The following ANO3 variants were observed in gnomAD, a reference collection of about 807,000 sequenced individuals.
The protein encoded by ANO3 is anoctamin-3.
In ANO3, 99 loss-of-function variants were observed where a neutral mutation model predicts 144.8. That is an observed-to-expected ratio of 0.68 (90% CI 0.58 to 0.81). The LOEUF (loss-of-function observed/expected upper bound fraction) is 0.81. Ranked by LOEUF, ANO3 falls within the 30% of genes least tolerant of loss-of-function variation. The pLI is 0.00. For missense variants in ANO3, 905 were observed against 1,202.2 expected (o/e 0.75, Z 3.66); for synonymous variants, 414 against 392.6 (o/e 1.05, Z -0.64).
intron 17 of ANO3, among the ~76,000 whole-genome samples, chr11:26,610,212 A>G (rs1038176013): frequency 1.3e-5 from 2 of 151,722 alleles, no homozygotes; most frequent in African/African-American, 4.8e-5. Flanking sequence ...CTCCCGGCCT[A>G]CTTTGTATTT....
At chr11:26,390,545 C>T (rs1856847938) in intron 1 of ANO3, among the ~76,000 whole-genome samples, 1 of 152,040 alleles carries the variant, frequency 6.6e-6, no homozygotes, top group Non-Finnish European at 1.5e-5. Context: ...ATGCATAGAA[C>T]ACTAGAGCAT....
intron 14 of ANO3, among the ~76,000 whole-genome samples, chr11:26,592,646 T>C (rs1008227564): frequency 2.0e-5 from 3 of 149,782 alleles, no homozygotes; most frequent in Non-Finnish European, 4.4e-5. Context: ...AGGAGCTTGG[T>C]GATAAGGCAG....
intron 1 of ANO3, among the ~76,000 whole-genome samples, chr11:26,276,878 T>A (rs1470587387): frequency 6.6e-6 from 1 of 152,152 alleles, no homozygotes; most frequent in African/African-American, 2.4e-5. Context: ...ATATTTCACC[T>A]CTGTCACTTG....
At chr11:26,395,943 G>A (rs1857001626) in intron 1 of ANO3, among the ~76,000 whole-genome samples, 1 of 152,098 alleles carries the variant, frequency 6.6e-6, no homozygotes, top group South Asian at 2.1e-4. Flanking sequence ...ATTGACAAAT[G>A]GGATCTAATT....
At chr11:26,642,066 T>A (rs757144090) in intron 22 of ANO3, 37 bp downstream of exon 22, 62 of 1,588,762 alleles carry the variant, frequency 3.9e-5, no homozygotes, top group Non-Finnish European at 4.9e-5. Context: ...TTTGGCCTTC[T>A]TGATACAATT....
At chr11:26,497,046 A>T (rs1860986652) in intron 4 of ANO3, among the ~76,000 whole-genome samples, 1 of 135,620 alleles carries the variant, frequency 7.4e-6, no homozygotes, top group African/African-American at 2.7e-5. Flanking sequence ...ACACACACAC[A>T]CTACATTTTC....
chr11:26,447,237 G>T (rs988230476), intron 3 of ANO3, among the ~76,000 whole-genome samples: 1 of 151,038 alleles, frequency 6.6e-6, no homozygotes, highest in African/African-American at 2.4e-5. Flanking sequence ...AAGGTGGGGG[G>T]GGGTACTTTT....
chr11:26,432,693 T>C (rs1005685797), intron 1 of ANO3, among the ~76,000 whole-genome samples: 3 of 152,182 alleles, frequency 2.0e-5, no homozygotes, highest in Non-Finnish European at 4.4e-5. Context: ...GTCAGCTTTG[T>C]TGAAGATCAG....
chr11:26,645,606 C>T (rs1170065474), intron 23 of ANO3, among the ~76,000 whole-genome samples: 1 of 151,946 alleles, frequency 6.6e-6, no homozygotes, highest in Non-Finnish European at 1.5e-5. Flanking sequence ...TTTTAAGCAA[C>T]TAAAATTATT....
In ANO3 at chr11:26,446,622, C is replaced by T. The variant is rs117975040; in HGVS notation, c.313+2786C>T. On this transcript the variant is annotated intron_variant, in intron 3 of 26. Transcript: ENST00000256737. ...CATGAAAAAAATGTTATTTTTCCAG[C>T]CAGCCATTGGTCAAATCTTTATTCT... 3.7e-4 allele frequency among the ~76,000 whole-genome samples: 57 copies of T among 152,304 alleles called. No homozygotes were observed. The East Asian group carries it at 0.011, about 28-fold the overall frequency.
At chr11:26,347,813 G>C (rs1227849302) in intron 1 of ANO3, among the ~76,000 whole-genome samples, 2 of 152,074 alleles carry the variant, frequency 1.3e-5, no homozygotes, top group Non-Finnish European at 2.9e-5. Flanking sequence ...AGTAATCCAG[G>C]TATTGCTTAC....
intron 1 of ANO3, among the ~76,000 whole-genome samples, chr11:26,398,011 G>GAA (rs113004698): frequency 1.4e-5 from 2 of 144,910 alleles, no homozygotes; most frequent in Admixed American, 6.9e-5. Flanking sequence ...AAGGATGGGC[G>GAA]AAAAAAAAAA....
At chr11:26,492,610 A>G (rs1453610512) in intron 4 of ANO3, among the ~76,000 whole-genome samples, 2 of 152,252 alleles carry the variant, frequency 1.3e-5, no homozygotes, top group Non-Finnish European at 2.9e-5. Flanking sequence ...TTTGATAATT[A>G]TAACGATAAG....
At position 26,534,530 on chromosome 11, in the gene ANO3, G is replaced by A. The variant is rs766297503; in HGVS notation, c.944G>A (p.Arg315His). The change falls in exon 9 of 27, where the codon CGC (arginine) becomes CAC (histidine). Residue 315 changes from arginine (R) to histidine (H), a missense_variant. Arg to His is a conservative substitution (Grantham distance 29, BLOSUM62 0). Coordinates refer to ENST00000256737, the MANE Select transcript of ANO3 (RefSeq NM_031418.4). ...AGAATAGTCTATCACATGCTGGAAC[G>A]CACCAAATATGAAAATGGAATATCA... is the stretch of plus-strand genomic sequence containing the variant. ...RSRIVYHMLE[R>H]TKYENGISKV... 8 of 1,611,668 alleles carry A rather than the reference G, an allele frequency of 5.0e-6. No homozygotes were observed. The highest frequency in any genetic ancestry group is 3.3e-5 in the Admixed American group (2 of 59,898).
chr11:26,247,335 T>G (rs1852820312), intron 1 of ANO3, among the ~76,000 whole-genome samples: 1 of 152,230 alleles, frequency 6.6e-6, no homozygotes, highest in Non-Finnish European at 1.5e-5. Context: ...GCTATAATAT[T>G]TCATCTTTCT....
intron 1 of ANO3, among the ~76,000 whole-genome samples, chr11:26,326,715 A>G (rs1380785423): frequency 1.3e-5 from 2 of 152,276 alleles, no homozygotes; most frequent in African/African-American, 4.8e-5. Flanking sequence ...TCTTTCTACA[A>G]ACACCTAAAC....
intron 1 of ANO3, among the ~76,000 whole-genome samples, chr11:26,265,542 C>A (rs1853290024): frequency 6.6e-6 from 1 of 152,170 alleles, no homozygotes; most frequent in African/African-American, 2.4e-5. Context: ...AAGACACAGT[C>A]TCAGCATTAC....
chr11:26,356,172 T>C (rs551900377), intron 1 of ANO3, among the ~76,000 whole-genome samples: 3 of 152,078 alleles, frequency 2.0e-5, no homozygotes, highest in Admixed American at 1.3e-4. Flanking sequence ...AATAAATATA[T>C]ATGTATCTAC....
At chr11:26,285,072 C>G (rs924482792) in intron 1 of ANO3, among the ~76,000 whole-genome samples, 1 of 151,944 alleles carries the variant, frequency 6.6e-6, no homozygotes, top group Non-Finnish European at 1.5e-5. Flanking sequence ...GGAGCTACCA[C>G]TATGTGGTTT....
Sources: gnomAD v4.1 joint callset for allele counts (sites outside exome capture counted in the v4.1 genomes callset) on GRCh38, gnomAD v4.1.1 for gene constraint, MANE v1.5 for transcripts, NCBI Gene and HGNC (gene_info 2026-07-23, HGNC 2026-07-21) for gene names.